FGF13: variants seen among roughly 807,000 people sequenced by gnomAD.
FGF13 encodes fibroblast growth factor homologous factor 2.
FGF13 carries 2 observed loss-of-function variants against 19.5 expected under a neutral mutation model. That is an observed-to-expected ratio of 0.10 (90% CI 0.04 to 0.32). The LOEUF is 0.32. Among genes scored for constraint, FGF13 ranks in the 10% least tolerant of loss-of-function variants. The pLI is 1.00. For synonymous variants in FGF13, 72 were observed against 76.9 expected (o/e 0.94, Z 0.33); for missense variants, 113 against 192.7 (o/e 0.59, Z 2.45).
chrX:139,152,634 C>A (rs2083944112), intron 1 of FGF13, among the ~76,000 whole-genome samples: 1 of 111,053 alleles, frequency 9.0e-6, no homozygotes, highest in Non-Finnish European at 1.9e-5. Context: ...ATGCCTACTC[C>A]ATGCCCAGAA....
chrX:139,088,075 G>A (rs891751818), intron 1 of FGF13, among the ~76,000 whole-genome samples: 5 of 111,387 alleles, frequency 4.5e-5, no homozygotes, highest in African/African-American at 1.3e-4. Context: ...ACATCCATGC[G>A]GCCATTTGGA....
chrX:138,715,079 A>G (rs1468296879), upstream of FGF13, among the ~76,000 whole-genome samples: 2 of 111,689 alleles, frequency 1.8e-5, no homozygotes, highest in African/African-American at 3.3e-5. Flanking sequence ...AAACTCTTCT[A>G]TGCTCTATTC....
At chrX:138,932,520 G>A (rs1206162771) in intron 1 of FGF13, among the ~76,000 whole-genome samples, 1 of 97,221 alleles carries the variant, frequency 1.0e-5, no homozygotes, top group Non-Finnish European at 2.1e-5. Context: ...GGAGGGCGGG[G>A]GGTGGGGGTG....
rs1056993778 is a variant in FGF13 at position 138,629,329 on chromosome X, C to T, written c.*3521G>A. 8.9e-5 allele frequency: 10 copies of T among 112,161 alleles called. No individual in the cohort carries two copies. Among genetic ancestry groups the T allele is most frequent in the Admixed American group, 7.6e-4 (8 of 10,580 alleles). 9.2% of individuals were successfully genotyped at this position (112,161 alleles called of 1,213,427 possible). ...TTTCAGAAATTAATTTGCTAATGCA[C>T]GCTAATCCTGAAGAAAGGAATAGTG... On this transcript the variant is annotated 3_prime_UTR_variant, in exon 5 of 5. Coordinates refer to ENST00000315930, the MANE Select transcript of FGF13 (RefSeq NM_004114.5).
intron 1 of FGF13, among the ~76,000 whole-genome samples, chrX:139,082,452 T>C (rs1270775977): frequency 9.0e-6 from 1 of 111,730 alleles, no homozygotes; most frequent in Admixed American, 9.6e-5. Context: ...TCAGAGGTAA[T>C]CAAATTAAAT....
intron 1 of FGF13, among the ~76,000 whole-genome samples, chrX:138,887,863 C>T (rs2091458524): frequency 9.0e-6 from 1 of 111,516 alleles, no homozygotes; most frequent in South Asian, 3.8e-4. Context: ...TTTATGTTGG[C>T]TTCCTCTGCC....
intron 3 of FGF13, among the ~76,000 whole-genome samples, chrX:138,808,720 A>C (rs1456440845): frequency 2.7e-5 from 3 of 111,799 alleles, no homozygotes; most frequent in Non-Finnish European, 5.6e-5. Context: ...AGAAGAAAAG[A>C]GAGAAGAATC....
intron 1 of FGF13, among the ~76,000 whole-genome samples, chrX:138,964,738 G>C (rs2091888165): frequency 9.0e-6 from 1 of 111,189 alleles, no homozygotes; most frequent in Non-Finnish European, 1.9e-5. Flanking sequence ...TGGTAAGAGA[G>C]GGAGCCAGAG....
intron 1 of FGF13, among the ~76,000 whole-genome samples, chrX:138,876,733 T>G (rs2091391420): frequency 8.9e-6 from 1 of 111,757 alleles, no homozygotes; most frequent in Admixed American, 9.5e-5. Context: ...TGGCAGAGAG[T>G]TTACTAGCCC....
chrX:138,986,185 A>G (rs957519962), intron 1 of FGF13, among the ~76,000 whole-genome samples: 1 of 111,695 alleles, frequency 9.0e-6, no homozygotes, highest in Non-Finnish European at 1.9e-5. Flanking sequence ...ACTAGCTCCT[A>G]TGTCTATGTG....
downstream of FGF13, among the ~76,000 whole-genome samples, chrX:138,856,427 G>A (rs185350019): frequency 3.0e-4 from 33 of 111,614 alleles, no homozygotes; most frequent in Admixed American, 2.5e-3. Flanking sequence ...TTTACTCACC[G>A]AATTTTAACC....
intron 1 of FGF13, among the ~76,000 whole-genome samples, chrX:139,061,293 T>C (rs927926736): frequency 3.6e-5 from 4 of 112,190 alleles, no homozygotes; most frequent in African/African-American, 9.7e-5. Context: ...ATGCCCAATG[T>C]AACTGTGTTA....
chrX:138,892,814 G>A (rs941825350), intron 1 of FGF13, among the ~76,000 whole-genome samples: 1 of 109,889 alleles, frequency 9.1e-6, no homozygotes, highest in Admixed American at 9.7e-5. Flanking sequence ...TTCAAGGGGA[G>A]CATATATGGG....
At position 138,624,322 on chromosome X, in the gene FGF13, G is replaced by A. The variant is rs752662915; in HGVS notation, c.*8528C>T. The A allele has an allele frequency of 9.0e-6, 1 of 111,150 alleles. No homozygotes were observed. The highest frequency in any genetic ancestry group is 1.9e-5 in the Non-Finnish European group (1 of 53,046). 9.2% of individuals were successfully genotyped at this position (111,150 alleles called of 1,213,427 possible). A position where few individuals can be genotyped will look rare whatever the true frequency, so the allele number is the denominator to read the frequency against. On this transcript the variant is annotated 3_prime_UTR_variant, in exon 5 of 5. Coordinates refer to ENST00000315930, the MANE Select transcript of FGF13 (RefSeq NM_004114.5). ...CAAAGGCACTAAAAACACATCATGGGGAAATATAGTCCATTCAATAAATCG... is the reference window on the plus strand; with the variant it reads ...CAAAGGCACTAAAAACACATCATGGAGAAATATAGTCCATTCAATAAATCG...
chrX:138,786,830 A>C lies in FGF13; in HGVS notation c.217+70682T>G, dbSNP rs189564056. Among the ~76,000 whole-genome samples, 4 of 112,205 alleles carry C rather than the reference A, an allele frequency of 3.6e-5. No homozygotes were observed. In the Admixed American group the frequency reaches 3.8e-4, roughly 11 times the overall value. On this transcript the variant is annotated intron_variant, in intron 3 of 6. Transcript: ENST00000436198. ...TAAAGTGGTCCCTATTAACACCACA[A>C]TTCCATCATTAGTTTCTACTTTTCA...
At chrX:138,835,156 G>C (rs2091102647) in intron 3 of FGF13, among the ~76,000 whole-genome samples, 2 of 111,674 alleles carry the variant, frequency 1.8e-5, no homozygotes, top group South Asian at 7.5e-4. Flanking sequence ...GAGTTCTGTA[G>C]ATATCTATTA....
chrX:138,829,595 A>C (rs1474996969), intron 3 of FGF13, among the ~76,000 whole-genome samples: 1 of 112,157 alleles, frequency 8.9e-6, no homozygotes, highest in Non-Finnish European at 1.9e-5. Flanking sequence ...TCCATATAGC[A>C]ACACAAAATG....
intron 1 of FGF13, among the ~76,000 whole-genome samples, chrX:138,904,690 G>A (rs1473667921): frequency 9.0e-6 from 1 of 111,519 alleles, no homozygotes; most frequent in African/African-American, 3.3e-5. Flanking sequence ...GAACCTGGAG[G>A]CTGGACACTG....
At chrX:138,890,480 C>CAAAA (rs374052571) in intron 1 of FGF13, among the ~76,000 whole-genome samples, 5 of 108,556 alleles carry the variant, frequency 4.6e-5, no homozygotes, top group Non-Finnish European at 7.7e-5. Context: ...ATACCAATGA[C>CAAAA]AAAAAAAAAT....
Sources: allele counts gnomAD v4.1 joint callset (sites outside exome capture counted in the v4.1 genomes callset), GRCh38; gene constraint gnomAD v4.1.1; transcripts MANE v1.5; gene names NCBI Gene and HGNC (gene_info 2026-07-23, HGNC 2026-07-21).